FERRY3: variants seen among roughly 807,000 people sequenced by gnomAD.
FERRY3 encodes the protein FERRY endosomal RAB5 effector complex subunit 3.
chr12:4,516,805 G>A, the FERRY3 span, among the ~76,000 whole-genome samples: 3 of 152,002 alleles, frequency 2.0e-5, no homozygotes, highest in Non-Finnish European at 4.4e-5. Context: ...CATGGCACAC[G>A]TTTACCTATG....
the FERRY3 span, chr12:4,502,587 G>A: frequency 8.7e-6 from 3 of 345,936 alleles, no homozygotes; most frequent in South Asian, 2.2e-5. The surrounding 1 kb of genome is among the most constrained non-coding windows in gnomAD (Gnocchi z 4.2). Context: ...AAAGGTCTGC[G>A]TATCTCTACT....
chr12:4,528,357 GTTC>G, the FERRY3 span, among the ~76,000 whole-genome samples: 29 of 152,130 alleles, frequency 1.9e-4, no homozygotes, highest in Admixed American at 1.7e-3. Context: ...TCTATATTTT[GTTC>G]TTCTTTTTAA....
chr12:4,517,298 A>G, the FERRY3 span: 2 of 1,152,634 alleles, frequency 1.7e-6, no homozygotes, highest in South Asian at 2.9e-5. Flanking sequence ...ATTTTTCTTA[A>G]TAAGATTTCT....
At chr12:4,489,171 A>G in the FERRY3 span, 36 of 152,766 alleles carry the variant, frequency 2.4e-4, no homozygotes, top group Non-Finnish European at 5.9e-5. Flanking sequence ...ATTAATATGC[A>G]AGTGCAAGGG....
the FERRY3 span, among the ~76,000 whole-genome samples, chr12:4,495,038 C>T: frequency 7.2e-5 from 11 of 152,120 alleles, no homozygotes; most frequent in Admixed American, 5.9e-4. Context: ...CATCTTTTTA[C>T]TTGAAGGCAT....
At chr12:4,521,059 AAAAG>A in the FERRY3 span, among the ~76,000 whole-genome samples, 1 of 152,162 alleles carries the variant, frequency 6.6e-6, no homozygotes, top group African/African-American at 2.4e-5. Flanking sequence ...TCAGTTAAAA[AAAAG>A]AAAAGAAGAA....
the FERRY3 span, among the ~76,000 whole-genome samples, chr12:4,533,190 G>T: frequency 6.6e-6 from 1 of 152,140 alleles, no homozygotes; most frequent in African/African-American, 2.4e-5. Flanking sequence ...CTCTTTGGCT[G>T]TAAGTGGAGA....
the FERRY3 span, chr12:4,530,152 A>T: frequency 3.1e-6 from 3 of 982,738 alleles, no homozygotes. Context: ...CTTCAATGAC[A>T]GAAAGACCCT....
chr12:4,523,738 T>A, the FERRY3 span, among the ~76,000 whole-genome samples: 1 of 152,072 alleles, frequency 6.6e-6, no homozygotes, highest in Non-Finnish European at 1.5e-5. Flanking sequence ...ATGTTCTCAC[T>A]CATAGGTGAG....
chr12:4,501,572 T>C, the FERRY3 span, among the ~76,000 whole-genome samples: 1 of 152,126 alleles, frequency 6.6e-6, no homozygotes, highest in Non-Finnish European at 1.5e-5. Context: ...CGAACCCTAT[T>C]GTGAACTGTG....
the FERRY3 span, among the ~76,000 whole-genome samples, chr12:4,506,438 T>A: frequency 6.6e-6 from 1 of 152,200 alleles, no homozygotes; most frequent in Non-Finnish European, 1.5e-5. Context: ...ATTTTATAAA[T>A]CAAGAGTCAG....
the FERRY3 span, among the ~76,000 whole-genome samples, chr12:4,526,373 A>G: frequency 6.6e-6 from 1 of 152,176 alleles, no homozygotes; most frequent in East Asian, 1.9e-4. Flanking sequence ...TGTGTATGTT[A>G]TATTTTAATA....
chr12:4,496,820 C>A, the FERRY3 span, among the ~76,000 whole-genome samples: 1 of 152,114 alleles, frequency 6.6e-6, no homozygotes, highest in Non-Finnish European at 1.5e-5. Context: ...CAAGATTATT[C>A]TTTACTTCTC....
chr12:4,505,282 T>A, the FERRY3 span: 2 of 1,445,600 alleles, frequency 1.4e-6, no homozygotes, highest in South Asian at 2.3e-5. Flanking sequence ...AAAACAGTAA[T>A]TTAAAATAAA....
the FERRY3 span, chr12:4,525,457 A>AC: frequency 3.1e-6 from 5 of 1,602,004 alleles, no homozygotes; most frequent in Non-Finnish European, 4.3e-6. Flanking sequence ...GCAACTGCAT[A>AC]CCTAAAAGTC....
the FERRY3 span, among the ~76,000 whole-genome samples, chr12:4,502,997 A>G: frequency 0.044 from 6,642 of 152,294 alleles, 511 homozygotes; most frequent in African/African-American, 0.15. This position sits in a 1 kb window ranked among gnomAD's most constrained non-coding sequence, Gnocchi z 4.2. Context: ...GAACTATATG[A>G]TAAGACAATA....
chr12:4,493,535 A>G, the FERRY3 span, among the ~76,000 whole-genome samples: 1 of 150,790 alleles, frequency 6.6e-6, no homozygotes, highest in Non-Finnish European at 1.5e-5. Flanking sequence ...AGTTGGCTAA[A>G]AAGTAAAGAA....
At chr12:4,524,643 A>C in the FERRY3 span, among the ~76,000 whole-genome samples, 2 of 152,226 alleles carry the variant, frequency 1.3e-5, no homozygotes, top group African/African-American at 4.8e-5. Context: ...AACTGAATAT[A>C]CTTTAGGATT....
chr12:4,505,914 C>G, the FERRY3 span, among the ~76,000 whole-genome samples: 1 of 151,834 alleles, frequency 6.6e-6, no homozygotes, highest in Non-Finnish European at 1.5e-5. Flanking sequence ...ATATTCACCC[C>G]ATTCCTAAAA....
Sources: gnomAD v4.1 joint callset for allele counts (sites outside exome capture counted in the v4.1 genomes callset) on GRCh38, gnomAD v4.1.1 for gene constraint, Gnocchi (gnomAD v3.1) non-coding constraint, MANE v1.5 for transcripts, NCBI Gene and HGNC (gene_info 2026-07-23, HGNC 2026-07-21) for gene names.